Variants in HMGA2 observed in about 807,000 individuals in gnomAD.
HMGA2 encodes high mobility group protein HMGI-C.
HMGA2 carries 8 observed loss-of-function variants against 19.1 expected under a neutral mutation model. That is an observed-to-expected ratio of 0.42 (90% CI 0.25 to 0.76). The LOEUF (loss-of-function observed/expected upper bound fraction) is 0.76, where lower values mean the gene tolerates loss of function less well. Among genes scored for constraint, HMGA2 ranks in the 30% least tolerant of loss-of-function variants. The pLI is 0.28. For missense variants in HMGA2, 109 were observed against 136.3 expected (o/e 0.80, Z 1.00); for synonymous variants, 60 against 48.8 (o/e 1.23, Z -0.96).
At chr12:65,914,955 G>A (rs562744273) in intron 3 of HMGA2, 203 of 1,495,910 alleles carry the variant, frequency 1.4e-4, no homozygotes, top group Non-Finnish European at 1.2e-4. Flanking sequence ...GAATACAGGC[G>A]TGAGCCATCG....
intron 3 of HMGA2, among the ~76,000 whole-genome samples, chr12:65,905,142 T>C (rs1244641833): frequency 5.3e-5 from 8 of 152,112 alleles, no homozygotes; most frequent in African/African-American, 1.9e-4. Flanking sequence ...GGTGTGGCTT[T>C]CTGATTATTT....
chr12:65,893,204 A>G (rs1370536449), intron 3 of HMGA2, among the ~76,000 whole-genome samples: 1 of 152,206 alleles, frequency 6.6e-6, no homozygotes, highest in Non-Finnish European at 1.5e-5. Flanking sequence ...CTGTTAGTAC[A>G]GGAGGACCTT....
At chr12:65,845,162 T>C (rs1413060547) in intron 3 of HMGA2, among the ~76,000 whole-genome samples, 5 of 152,176 alleles carry the variant, frequency 3.3e-5, no homozygotes, top group Admixed American at 2.0e-4. Flanking sequence ...ATATGCCACG[T>C]TTTTTTAACT....
intron 3 of HMGA2, among the ~76,000 whole-genome samples, chr12:65,942,847 T>C (rs1332853104): frequency 1.3e-5 from 2 of 152,182 alleles, no homozygotes; most frequent in African/African-American, 4.8e-5. Flanking sequence ...CTTTCCAAAG[T>C]GAAGGCAAAG....
intron 3 of HMGA2, chr12:65,914,859 G>C (rs1875013794): frequency 1.9e-6 from 1 of 534,422 alleles, no homozygotes; most frequent in Non-Finnish European, 3.4e-6. Flanking sequence ...ATTTTTAGTA[G>C]AGACAGGGTT....
Position 65,824,729 on chromosome 12 carries a change from C to CTCTCTG in HMGA2, c.-537_-536insGTCTCT. On this transcript the variant is annotated 5_prime_UTR_variant, in exon 1 of 5. Coordinates refer to ENST00000403681, the MANE Select transcript of HMGA2 (RefSeq NM_003483.6). ...CTCAATCTCTTCTCTCTCTCTCTCT[C>CTCTCTG]TCTCTCTCTCTCTCTCTCTCTCTCT... 2 of 188,784 alleles carry CTCTCTG rather than the reference C, an allele frequency of 1.1e-5. No individual in the cohort carries two copies. The highest frequency in any genetic ancestry group is 2.3e-4 in the South Asian group (1 of 4,438). The allele number at this position is 188,784 out of a possible 1,614,324, so 11.7% of individuals were successfully genotyped here. A position where few individuals can be genotyped will look rare whatever the true frequency, so the allele number is the denominator to read the frequency against.
At chr12:65,901,028 A>G (rs1485078182) in intron 3 of HMGA2, among the ~76,000 whole-genome samples, 1 of 152,080 alleles carries the variant, frequency 6.6e-6, no homozygotes, top group African/African-American at 2.4e-5. Flanking sequence ...GTGGAGAAAT[A>G]CTCCACATAT....
intron 3 of HMGA2, among the ~76,000 whole-genome samples, chr12:65,949,393 G>A (rs775061760): frequency 2.0e-5 from 3 of 152,056 alleles, no homozygotes; most frequent in Non-Finnish European, 4.4e-5. Flanking sequence ...AATGAACAGG[G>A]GCTAGTGAAT....
chr12:65,881,702 G>A, intron 3 of HMGA2: 1 of 701,220 alleles, frequency 1.4e-6, no homozygotes. Flanking sequence ...AATTGCTGAA[G>A]GAGAGCTTCA....
intron 3 of HMGA2, among the ~76,000 whole-genome samples, chr12:65,873,201 T>C (rs1872796582): frequency 6.6e-6 from 1 of 152,256 alleles, no homozygotes; most frequent in Non-Finnish European, 1.5e-5. Flanking sequence ...GTCTCATCTA[T>C]CTTTGTATTT....
At position 65,879,787 on chromosome 12, in the gene HMGA2, T is replaced by A. The variant is rs73327471; in HGVS notation, c.249+41218T>A. On this transcript the variant is annotated intron_variant, in intron 3 of 4. Coordinates refer to ENST00000403681, the MANE Select transcript of HMGA2 (RefSeq NM_003483.6). ...ATATATTTATGCATATGTGGATGTG[T>A]GTTTATACATATATTCTATGTATAT... Among the ~76,000 whole-genome samples the A allele has an allele frequency of 1.7e-3, 254 of 152,352 alleles. 2 individuals are homozygous for A. Among genetic ancestry groups the A allele is most frequent in the African/African-American group, 6.0e-3 (249 of 41,586 alleles).
At chr12:65,888,589 A>G (rs1592423219) in intron 3 of HMGA2, among the ~76,000 whole-genome samples, 1 of 73,558 alleles carries the variant, frequency 1.4e-5, no homozygotes, top group South Asian at 9.7e-4. Context: ...TTTGAGACAG[A>G]GTCTCACTCT....
At chr12:65,897,290 G>A (rs1025320490) in intron 3 of HMGA2, among the ~76,000 whole-genome samples, 1 of 152,110 alleles carries the variant, frequency 6.6e-6, no homozygotes, top group Non-Finnish European at 1.5e-5. Context: ...ATTGACCATA[G>A]TCACCCTGTG....
intron 3 of HMGA2, 66 bp from the exon 4 acceptor site, chr12:65,951,317 G>A (rs1876450402): frequency 1.0e-6 from 1 of 974,990 alleles, no homozygotes; most frequent in Non-Finnish European, 1.5e-6. Context: ...TTTAAAATAT[G>A]TACACCTAAT....
chr12:65,861,908 G>A (rs997140877), intron 3 of HMGA2, among the ~76,000 whole-genome samples: 66 of 150,500 alleles, frequency 4.4e-4, no homozygotes, highest in Admixed American at 1.2e-3. Context: ...GCAATGGCGC[G>A]ATCTCGGCTC....
intron 3 of HMGA2, among the ~76,000 whole-genome samples, chr12:65,938,874 T>G (rs2121287614): frequency 6.6e-6 from 1 of 152,170 alleles, no homozygotes; most frequent in South Asian, 2.1e-4. Context: ...ATGTTGCCCA[T>G]GCCGGCCTCG....
intron 3 of HMGA2, among the ~76,000 whole-genome samples, chr12:65,944,915 C>CTGCCCAT (rs1876210412): frequency 6.6e-6 from 1 of 152,108 alleles, no homozygotes; most frequent in African/African-American, 2.4e-5. Flanking sequence ...TATTGGAATG[C>CTGCCCAT]AGTGACTACT....
intron 3 of HMGA2, among the ~76,000 whole-genome samples, chr12:65,899,689 AGG>A (rs1874293017): frequency 6.6e-6 from 1 of 152,226 alleles, no homozygotes; most frequent in African/African-American, 2.4e-5. Flanking sequence ...TGCACCCTTC[AGG>A]ATCTTATATT....
chr12:65,842,107 G>A, intron 3 of HMGA2: 1 of 1,289,080 alleles, frequency 7.8e-7, no homozygotes, highest in Non-Finnish European at 1.0e-6. Flanking sequence ...GGTAAATTGG[G>A]TCTCTTTTTT....
Sources: allele counts gnomAD v4.1 joint callset (sites outside exome capture counted in the v4.1 genomes callset), GRCh38; gene constraint gnomAD v4.1.1; transcripts MANE v1.5; gene names NCBI Gene and HGNC (gene_info 2026-07-23, HGNC 2026-07-21).